The following PLXDC2 variants were observed in gnomAD, a reference collection of about 807,000 sequenced individuals.
PLXDC2 encodes plexin domain containing 2.
Under a neutral mutation model 68.9 loss-of-function variants are expected in PLXDC2, and 40 were observed. The ratio of observed to expected loss-of-function variants is 0.58; its 90% CI spans 0.45 to 0.76. The LOEUF (loss-of-function observed/expected upper bound fraction) is 0.76, where lower values mean the gene tolerates loss of function less well. Ranked by LOEUF, PLXDC2 falls within the 30% of genes least tolerant of loss-of-function variation. The pLI, the probability that PLXDC2 is intolerant of heterozygous loss-of-function variation, is 0.00. For synonymous variants in PLXDC2, 243 were observed against 234.2 expected, an observed-to-expected ratio of 1.04 and a Z score of -0.34; for missense variants, 644 against 661.9, an observed-to-expected ratio of 0.97 and a Z score of 0.30.
At chr10:19,907,542 C>T (rs1223816198) in intron 1 of PLXDC2, among the ~76,000 whole-genome samples, 1 of 152,130 alleles carries the variant, frequency 6.6e-6, no homozygotes, top group African/African-American at 2.4e-5. Flanking sequence ...CACACCTAAG[C>T]AATAGCATTA....
chr10:20,186,858 A>G (rs1423714490), intron 9 of PLXDC2, among the ~76,000 whole-genome samples: 1 of 151,896 alleles, frequency 6.6e-6, no homozygotes, highest in African/African-American at 2.4e-5. Flanking sequence ...GCTATTGTGA[A>G]TAGTGCTGCA....
intron 4 of PLXDC2, among the ~76,000 whole-genome samples, chr10:20,084,093 A>G (rs1380265632): frequency 2.0e-5 from 3 of 152,230 alleles, no homozygotes; most frequent in African/African-American, 7.2e-5. Flanking sequence ...AGGTGTTATC[A>G]TAAGTCTTAC....
rs927645559 is a variant in PLXDC2 at position 20,024,331 on chromosome 10, A to T, written c.324+22345A>T. On this transcript the variant is annotated intron_variant, in intron 2 of 13. Transcript: ENST00000377252. ...AGAGATCATTAAGTCAAAATAATCT[A>T]GTGCATAGACCTATGTTGAACTTTG... Among the ~76,000 whole-genome samples the T allele has an allele frequency of 3.9e-4, 59 of 152,202 alleles. 3 individuals are homozygous for T. The highest frequency in any genetic ancestry group is 1.0e-4 in the Non-Finnish European group (7 of 68,030).
intron 4 of PLXDC2, among the ~76,000 whole-genome samples, chr10:20,085,722 C>G (rs1833183221): frequency 6.6e-6 from 1 of 152,122 alleles, no homozygotes; most frequent in Non-Finnish European, 1.5e-5. Context: ...CACTTGGACC[C>G]AGGCATGTCA....
intron 1 of PLXDC2, among the ~76,000 whole-genome samples, chr10:19,968,433 C>T (rs1248113006): frequency 6.6e-6 from 1 of 152,184 alleles, no homozygotes; most frequent in Non-Finnish European, 1.5e-5. Context: ...CAGCCTCAGC[C>T]TCCTGAGTCG....
intron 3 of PLXDC2, among the ~76,000 whole-genome samples, chr10:20,054,818 C>A (rs557042644): frequency 2.6e-5 from 4 of 151,672 alleles, no homozygotes; most frequent in Non-Finnish European, 5.9e-5. Flanking sequence ...CTAACCTTCA[C>A]GTTGTGCACA....
At chr10:20,107,422 A>G (rs1458460387) in intron 4 of PLXDC2, among the ~76,000 whole-genome samples, 2 of 152,202 alleles carry the variant, frequency 1.3e-5, no homozygotes, top group African/African-American at 4.8e-5. Context: ...GAAAGAAGGC[A>G]TATGCATTGA....
intron 4 of PLXDC2, among the ~76,000 whole-genome samples, chr10:20,128,701 G>T (rs1351280119): frequency 6.6e-6 from 1 of 152,062 alleles, no homozygotes; most frequent in Non-Finnish European, 1.5e-5. Flanking sequence ...TCTACTCTCT[G>T]ATTCTATGAG....
intron 1 of PLXDC2, among the ~76,000 whole-genome samples, chr10:19,938,610 A>C (rs2131395934): frequency 6.6e-6 from 1 of 151,992 alleles, no homozygotes; most frequent in African/African-American, 2.4e-5. Flanking sequence ...TGATCCAATC[A>C]CCTCCCACCA....
intron 1 of PLXDC2, among the ~76,000 whole-genome samples, chr10:19,960,324 A>G (rs1288829403): frequency 1.3e-5 from 2 of 152,010 alleles, no homozygotes; most frequent in Non-Finnish European, 2.9e-5. Context: ...TGATCTCACC[A>G]CTGCACTCCA....
intron 2 of PLXDC2, among the ~76,000 whole-genome samples, chr10:20,011,031 C>T (rs763854191): frequency 6.6e-6 from 1 of 152,190 alleles, no homozygotes; most frequent in Non-Finnish European, 1.5e-5. Flanking sequence ...CAAACATACT[C>T]AGATGAAAAT....
chr10:19,931,849 A>G (rs897548984), intron 1 of PLXDC2, among the ~76,000 whole-genome samples: 10 of 152,192 alleles, frequency 6.6e-5, no homozygotes, highest in African/African-American at 2.4e-4. Context: ...GAAGAATCAC[A>G]TGGTCACATA....
intron 4 of PLXDC2, among the ~76,000 whole-genome samples, chr10:20,094,161 A>T (rs891115014): frequency 1.2e-4 from 18 of 152,242 alleles, no homozygotes; most frequent in Admixed American, 1.1e-3. Context: ...TAAAGCCTTC[A>T]TCTGTAGATG....
chr10:20,002,302 C>T (rs947595102), intron 2 of PLXDC2, among the ~76,000 whole-genome samples: 3 of 150,480 alleles, frequency 2.0e-5, no homozygotes, highest in African/African-American at 7.3e-5. Flanking sequence ...TCTTGTCACA[C>T]AGGCTGGAGT....
chr10:20,066,621 C>T (rs1836216936), intron 3 of PLXDC2, among the ~76,000 whole-genome samples: 1 of 152,004 alleles, frequency 6.6e-6, no homozygotes, highest in Admixed American at 6.6e-5. Flanking sequence ...TTTGTTGTTC[C>T]TGTTAGTCAG....
chr10:19,845,639 T>TA (rs1233657664), intron 1 of PLXDC2, among the ~76,000 whole-genome samples: 1 of 152,190 alleles, frequency 6.6e-6, no homozygotes, highest in Non-Finnish European at 1.5e-5. Context: ...GAGGCAGTGT[T>TA]ATAGCCCTGG....
intron 1 of PLXDC2, among the ~76,000 whole-genome samples, chr10:19,938,634 A>T (rs950824036): frequency 7.2e-5 from 11 of 152,178 alleles, no homozygotes; most frequent in Admixed American, 3.9e-4. Context: ...CCTACCTCCA[A>T]TGTGGGTATT....
At chr10:20,059,797 T>C (rs1025889789) in intron 3 of PLXDC2, among the ~76,000 whole-genome samples, 1 of 152,188 alleles carries the variant, frequency 6.6e-6, no homozygotes, top group Non-Finnish European at 1.5e-5. Flanking sequence ...AAATTCTACA[T>C]GGTAAAAGCA....
Position 19,852,367 on chromosome 10 carries a change from A to G in PLXDC2, c.112+35176A>G, listed in dbSNP as rs544284098. ...CTTAAGCCCAGGAGATTGAGGCTGC[A>G]GTGAGCCCACATTGCATCACTGCAC... is the stretch of plus-strand genomic sequence containing the variant. On this transcript the variant is annotated intron_variant, in intron 1 of 13. Coordinates refer to ENST00000377252, the MANE Select transcript of PLXDC2 (RefSeq NM_032812.9). Among the ~76,000 whole-genome samples, 46 of 136,906 alleles carry G rather than the reference A, an allele frequency of 3.4e-4. No individual in the cohort carries two copies. The Admixed American group carries it at 3.7e-3, about 11-fold the overall frequency. 89.8% of individuals were successfully genotyped at this position (136,906 alleles called of 152,430 possible). A position where few individuals can be genotyped will look rare whatever the true frequency, so the allele number is the denominator to read the frequency against.
Sources: allele counts gnomAD v4.1 joint callset (sites outside exome capture counted in the v4.1 genomes callset), GRCh38; gene constraint gnomAD v4.1.1; transcripts MANE v1.5; gene names NCBI Gene and HGNC (gene_info 2026-07-23, HGNC 2026-07-21).